The following HOOK3 variants were observed in gnomAD, a reference collection of about 807,000 sequenced individuals.
HOOK3 encodes the protein protein Hook homolog 3.
Under a neutral mutation model 116.3 loss-of-function variants are expected in HOOK3, and 24 were observed. The ratio of observed to expected loss-of-function variants is 0.21; its 90% CI spans 0.15 to 0.29. The LOEUF is 0.29. Among genes scored for constraint, HOOK3 ranks in the 10% least tolerant of loss-of-function variants. The pLI is 1.00. For synonymous variants in HOOK3, 275 were observed against 283.0 expected (o/e 0.97, Z 0.28); for missense variants, 632 against 830.2 (o/e 0.76, Z 2.93).
At chr8:42,958,708 T>C (rs927943313) in intron 7 of HOOK3, among the ~76,000 whole-genome samples, 22 of 150,414 alleles carry the variant, frequency 1.5e-4, no homozygotes, top group South Asian at 8.6e-4. Flanking sequence ...CAACCCATCA[T>C]CTAGGTTTTA....
At position 42,897,126 on chromosome 8, in the gene HOOK3, G is replaced by C. The variant is rs562561846; in HGVS notation, c.-6G>C. The C allele has an allele frequency of 3.2e-6, 4 of 1,245,898 alleles. No homozygotes were observed. The highest frequency in any genetic ancestry group is 1.6e-5 in the African/African-American group (1 of 64,428). The allele number at this position is 1,245,898 out of a possible 1,614,324, so 77.2% of individuals were successfully genotyped here. A position where few individuals can be genotyped will look rare whatever the true frequency, so the allele number is the denominator to read the frequency against. The stretch of plus-strand genomic sequence containing the variant: ...CGGTAGGCGCTGCCTGGCCGCGGCG[G>C]GGAAGATGTTCAGCGTAGAGTCGCT... On this transcript the variant is annotated 5_prime_UTR_variant, in exon 1 of 22. Transcript: ENST00000307602.
At chr8:43,015,849 C>T (rs1809703389) in intron 21 of HOOK3, among the ~76,000 whole-genome samples, 2 of 151,990 alleles carry the variant, frequency 1.3e-5, no homozygotes, top group East Asian at 3.9e-4. Context: ...TCCCGAGTAA[C>T]TGGGGTTACA....
chr8:42,980,203 T>C (rs962740755), intron 13 of HOOK3, among the ~76,000 whole-genome samples: 2 of 152,094 alleles, frequency 1.3e-5, no homozygotes, highest in Non-Finnish European at 1.5e-5. Context: ...TCCACCTGGC[T>C]CGGCCTCCCA....
chr8:43,002,131 G>T lies in HOOK3; in HGVS notation c.1645G>T (p.Glu549Ter). 2 of 1,595,374 alleles carry T rather than the reference G, an allele frequency of 1.3e-6. No individual in the cohort carries two copies. Among genetic ancestry groups the T allele is most frequent in the South Asian group, 2.2e-5 (2 of 90,448 alleles). ...GTCAGTCCTTCTAAAAAAGAAGCTT[G>T]AAGAACATCTGTAAGTATAAAAGCT... ...EDSVLLKKKLEEHLEKLHEAN... is the reference protein window; with the variant it reads ...EDSVLLKKKL The change falls in exon 17 of 22, where the codon GAA becomes TAA. Residue 549 changes from glutamate to a stop codon, truncating the protein, a stop_gained. Transcript: ENST00000307602. LOFTEE classifies it high-confidence loss of function.
chr8:42,929,077 G>A (rs954739877), intron 3 of HOOK3, among the ~76,000 whole-genome samples: 11 of 152,060 alleles, frequency 7.2e-5, no homozygotes, highest in Admixed American at 2.6e-4. Context: ...AAGATAAGAT[G>A]TAGCTTTTTG....
At chr8:42,901,865 C>T (rs952015316) in intron 1 of HOOK3, among the ~76,000 whole-genome samples, 10 of 152,050 alleles carry the variant, frequency 6.6e-5, no homozygotes, top group African/African-American at 1.9e-4. Flanking sequence ...CGCACCACCA[C>T]GCCCGGCTAA....
At chr8:43,016,682 A>C (rs956205094) in intron 21 of HOOK3, among the ~76,000 whole-genome samples, 1 of 152,240 alleles carries the variant, frequency 6.6e-6, no homozygotes, top group Non-Finnish European at 1.5e-5. Flanking sequence ...AAAAATGAGA[A>C]TATTTAAATA....
intron 4 of HOOK3, among the ~76,000 whole-genome samples, chr8:42,941,583 CCTT>C (rs1298258807): frequency 1.3e-5 from 2 of 150,356 alleles, no homozygotes; most frequent in Non-Finnish European, 1.5e-5. Flanking sequence ...TCTTTTATGT[CCTT>C]CTAGGAATTG....
intron 13 of HOOK3, among the ~76,000 whole-genome samples, chr8:42,975,729 G>A (rs1383755001): frequency 2.0e-5 from 3 of 152,086 alleles, no homozygotes; most frequent in African/African-American, 7.2e-5. Flanking sequence ...ATGTTGAGAC[G>A]GAGTCTCGCT....
intron 8 of HOOK3, among the ~76,000 whole-genome samples, chr8:42,960,058 C>T (rs1286031025): frequency 6.6e-6 from 1 of 152,030 alleles, no homozygotes; most frequent in African/African-American, 2.4e-5. Context: ...ATGTAAGTGC[C>T]ATTAATTGCA....
intron 2 of HOOK3, among the ~76,000 whole-genome samples, chr8:42,922,558 T>TA (rs944140835): frequency 9.7e-5 from 14 of 144,632 alleles, no homozygotes; most frequent in South Asian, 4.4e-4. Context: ...ACCTGTCTCT[T>TA]AAAAAAAAAA....
intron 13 of HOOK3, among the ~76,000 whole-genome samples, chr8:42,977,187 G>A (rs1384519638): frequency 2.0e-5 from 3 of 152,120 alleles, no homozygotes; most frequent in Non-Finnish European, 4.4e-5. Context: ...CAGTCCTCAA[G>A]AAGTATTAAT....
intron 4 of HOOK3, among the ~76,000 whole-genome samples, chr8:42,933,463 A>G (rs1807908688): frequency 6.6e-6 from 1 of 152,210 alleles, no homozygotes; most frequent in South Asian, 2.1e-4. Flanking sequence ...CATTATATTA[A>G]CATTTCTGCA....
chr8:42,920,285 C>T (rs1807631615), intron 2 of HOOK3, among the ~76,000 whole-genome samples: 1 of 152,116 alleles, frequency 6.6e-6, no homozygotes, highest in African/African-American at 2.4e-5. Context: ...TTCGAGCCTG[C>T]GACCATTAAT....
chr8:42,993,425 G>C (rs1809204766), intron 15 of HOOK3, among the ~76,000 whole-genome samples: 1 of 152,170 alleles, frequency 6.6e-6, no homozygotes, highest in Admixed American at 6.5e-5. Context: ...GGGATTACAG[G>C]CGTGAGCCAC....
intron 15 of HOOK3, among the ~76,000 whole-genome samples, chr8:42,996,924 G>T (rs6983699): frequency 0.97 from 114,182 of 118,180 alleles, 55,092 homozygotes; most frequent in Middle Eastern, 0.98. Context: ...TTTTTTTTTG[G>T]GAGGCAGGGT....
intron 18 of HOOK3, among the ~76,000 whole-genome samples, chr8:43,009,803 T>G (rs1472742574): frequency 6.6e-6 from 1 of 152,206 alleles, no homozygotes; most frequent in Non-Finnish European, 1.5e-5. Context: ...TCTCTATCAT[T>G]AAACAATAAC....
chr8:42,989,553 TG>T (rs1412905876), intron 15 of HOOK3, among the ~76,000 whole-genome samples: 1 of 152,232 alleles, frequency 6.6e-6, no homozygotes, highest in Non-Finnish European at 1.5e-5. Context: ...ATAATCATAT[TG>T]GGGTAAATGG....
In HOOK3 at chr8:43,024,981, C is replaced by A. The variant is rs1420329756; in HGVS notation, c.*6483C>A. The A allele has an allele frequency of 4.9e-6, 1 of 203,182 alleles. No homozygotes were observed. Among genetic ancestry groups the A allele is most frequent in the African/African-American group, 2.3e-5 (1 of 43,708 alleles). The allele number at this position is 203,182 out of a possible 1,614,324, so 12.6% of individuals were successfully genotyped here. On this transcript the variant is annotated 3_prime_UTR_variant, in exon 22 of 22. Coordinates refer to ENST00000307602, the MANE Select transcript of HOOK3 (RefSeq NM_032410.4). ...ATTTTTTAAATAGCCTTTTATCAAA[C>A]CATTTCACATGTATTATCTATATGA... is the stretch of plus-strand genomic sequence containing the variant.
Sources: gnomAD v4.1 joint callset for allele counts (sites outside exome capture counted in the v4.1 genomes callset) on GRCh38, gnomAD v4.1.1 for gene constraint, MANE v1.5 for transcripts, NCBI Gene and HGNC (gene_info 2026-07-23, HGNC 2026-07-21) for gene names.